The following ATP6V1C1 variants were observed in gnomAD, a reference collection of about 807,000 sequenced individuals.
ATP6V1C1 encodes ATPase H+ transporting V1 subunit C1.
Under a neutral mutation model 53.9 loss-of-function variants are expected in ATP6V1C1, and 45 were observed. That is an observed-to-expected ratio of 0.83 (90% CI 0.66 to 1.07). The LOEUF is 1.07. Ranked by LOEUF, ATP6V1C1 falls within the 50% of genes least tolerant of loss-of-function variation. The pLI is 0.00. For synonymous variants in ATP6V1C1, 153 were observed against 155.2 expected, an observed-to-expected ratio of 0.99 and a Z score of 0.11; for missense variants, 315 against 440.3, an observed-to-expected ratio of 0.72 and a Z score of 2.55.
intron 3 of ATP6V1C1, among the ~76,000 whole-genome samples, chr8:103,047,459 C>CACACAT (rs1817124325): frequency 1.0e-5 from 1 of 99,682 alleles, no homozygotes; most frequent in African/African-American, 3.5e-5. Flanking sequence ...CACACACACA[C>CACACAT]ACACATTTTT....
intron 1 of ATP6V1C1, among the ~76,000 whole-genome samples, chr8:103,023,960 T>C (rs891320992): frequency 5.9e-5 from 9 of 152,184 alleles, no homozygotes; most frequent in Non-Finnish European, 1.3e-4. Flanking sequence ...CTTTTTCTAG[T>C]AGAACAGCTT....
intron 5 of ATP6V1C1, 97 bp downstream of exon 5, chr8:103,051,241 G>T (rs1817194761): frequency 4.7e-6 from 4 of 851,890 alleles, no homozygotes; most frequent in Non-Finnish European, 7.2e-6. Flanking sequence ...TTTTGATAAG[G>T]CAACTTAATT....
rs1342327170 is a variant in ATP6V1C1 at position 103,052,773 on chromosome 8, G to A, written c.424G>A (p.Ala142Thr). The A allele has an allele frequency of 1.3e-6, 2 of 1,597,424 alleles. No individual in the cohort carries two copies. Among genetic ancestry groups the A allele is most frequent in the South Asian group, 1.1e-5 (1 of 88,958 alleles). Reference protein sequence around the residue: ...IDNDLKSRASAYNNLKGNLQN... With the variant: ...IDNDLKSRASTYNNLKGNLQN... ...TAATGACCTGAAATCTCGAGCATCT[G>A]CATACAATAACCTGAAAGGAAATCT... is the stretch of plus-strand genomic sequence containing the variant. The change falls in exon 6 of 13, where the codon GCA (alanine) becomes ACA (threonine). Residue 142 changes from alanine to threonine, a missense_variant. By Grantham distance (58) the Ala-to-Thr change is moderately conservative. Transcript: ENST00000518738.
chr8:103,053,741 TTC>T, intron 6 of ATP6V1C1, 141 bp from the exon 7 acceptor site: 1 of 607,870 alleles, frequency 1.6e-6, no homozygotes, highest in Non-Finnish European at 2.8e-6. Context: ...AAATGGTGAC[TTC>T]TTACAAAGTA....
intron 1 of ATP6V1C1, among the ~76,000 whole-genome samples, chr8:103,035,343 T>C (rs1816875748): frequency 1.3e-5 from 2 of 152,236 alleles, no homozygotes; most frequent in Admixed American, 1.3e-4. Context: ...TTGAATTTTA[T>C]TTATTAATTC....
intron 12 of ATP6V1C1, among the ~76,000 whole-genome samples, chr8:103,068,093 C>T (rs1043251746): frequency 6.6e-6 from 1 of 152,216 alleles, no homozygotes; most frequent in Non-Finnish European, 1.5e-5. Context: ...GATCCTCCCA[C>T]CTCAGCCTTC....
intron 8 of ATP6V1C1, among the ~76,000 whole-genome samples, chr8:103,062,034 T>A (rs756812078): frequency 2.0e-5 from 3 of 152,190 alleles, no homozygotes; most frequent in Non-Finnish European, 2.9e-5. Flanking sequence ...TTTCTAGTGA[T>A]GTCCATGGAG....
chr8:103,048,184 T>C (rs905112108), intron 3 of ATP6V1C1, among the ~76,000 whole-genome samples: 1 of 152,202 alleles, frequency 6.6e-6, no homozygotes, highest in African/African-American at 2.4e-5. Flanking sequence ...GTCTTATAAA[T>C]GAAAGAACTG....
chr8:103,061,096 C>T (rs929222735), intron 8 of ATP6V1C1, among the ~76,000 whole-genome samples: 13 of 152,198 alleles, frequency 8.5e-5, no homozygotes, highest in African/African-American at 2.9e-4. Context: ...GATCCTTAAA[C>T]GGTTTTTTAA....
chr8:103,040,196 T>A (rs1816971452), intron 1 of ATP6V1C1, among the ~76,000 whole-genome samples: 1 of 151,776 alleles, frequency 6.6e-6, no homozygotes, highest in Admixed American at 6.6e-5. Context: ...GGTGGATCAC[T>A]TGAGGCCAGG....
rs377119251 is a variant in ATP6V1C1, at chr8:103,066,441, T to G, written c.1047T>G (p.Ile349Met). ...YKHLDSSAAA[I>M]IDAPMDIPGL... ...ATCTAGACAGCAGTGCAGCAGCTAT[T>G]ATTGATGTAAGTACTTATTAGCCCA... Residue 349 changes from isoleucine to methionine, a missense_variant, in exon 12 of 13, where the codon ATT becomes ATG. By Grantham distance (10) the Ile-to-Met change is conservative (BLOSUM62 1). Transcript: ENST00000518738. 2.5e-5 allele frequency: 40 copies of G among 1,595,876 alleles called. No homozygotes were observed. Among genetic ancestry groups the G allele is most frequent in the Non-Finnish European group, 3.2e-5 (38 of 1,174,816 alleles).
intron 4 of ATP6V1C1, 107 bp downstream of exon 4, chr8:103,049,062 A>G (rs1378425663): frequency 4.1e-6 from 4 of 977,138 alleles, no homozygotes; most frequent in Non-Finnish European, 1.5e-6. Context: ...GACACTAAAT[A>G]CAATAGAAAG....
intron 1 of ATP6V1C1, 25 bp from the exon 2 acceptor site, chr8:103,040,773 T>A: frequency 6.4e-7 from 1 of 1,554,248 alleles, no homozygotes. Flanking sequence ...TAAATGTGAT[T>A]TTTTTTATTT....
intron 4 of ATP6V1C1, among the ~76,000 whole-genome samples, chr8:103,049,886 G>A (rs1817171061): frequency 6.6e-6 from 1 of 152,136 alleles, no homozygotes; most frequent in African/African-American, 2.4e-5. Context: ...GAGCCCAGGA[G>A]TTCAAGGCTG....
intron 3 of ATP6V1C1, among the ~76,000 whole-genome samples, chr8:103,043,489 A>T (rs1403339768): frequency 3.5e-5 from 5 of 141,946 alleles, no homozygotes; most frequent in African/African-American, 5.1e-5. Context: ...CGCCCAGCTA[A>T]TTTTTTTTTT....
At chr8:103,052,882 A>G in intron 6 of ATP6V1C1, 60 bp downstream of exon 6, 2 of 1,026,128 alleles carry the variant, frequency 1.9e-6, no homozygotes, top group Non-Finnish European at 2.8e-6. Context: ...GCATGCACCG[A>G]AGGAGATATT....
intron 1 of ATP6V1C1, among the ~76,000 whole-genome samples, chr8:103,034,642 C>T (rs910228435): frequency 6.6e-6 from 1 of 150,968 alleles, no homozygotes; most frequent in African/African-American, 2.4e-5. Flanking sequence ...CATCTTGGCT[C>T]ACTGCAACCT....
At chr8:103,067,396 CA>C (rs751801442) in intron 12 of ATP6V1C1, among the ~76,000 whole-genome samples, 19,437 of 72,042 alleles carry the variant, frequency 0.27, 1,318 homozygotes, top group African/African-American at 0.36. Context: ...GACTCCGTCC[CA>C]AAAAAAAAAA....
At chr8:103,028,174 A>C (rs1816730909) in intron 1 of ATP6V1C1, among the ~76,000 whole-genome samples, 1 of 152,132 alleles carries the variant, frequency 6.6e-6, no homozygotes, top group Admixed American at 6.5e-5. Flanking sequence ...TGGGAAAATC[A>C]TTTTGTTAAG....
Sources: allele counts gnomAD v4.1 joint callset (sites outside exome capture counted in the v4.1 genomes callset), GRCh38; gene constraint gnomAD v4.1.1; transcripts MANE v1.5; gene names NCBI Gene and HGNC (gene_info 2026-07-23, HGNC 2026-07-21).